The following FARP1 variants were observed in gnomAD, a reference collection of about 807,000 sequenced individuals.
The protein encoded by FARP1 is FERM, ARH/RhoGEF and pleckstrin domain protein 1.
A neutral mutation model predicts 128.8 loss-of-function variants in FARP1; 52 were observed. The observed-to-expected ratio is 0.40, with a 90% confidence interval of 0.32 to 0.51. The LOEUF (loss-of-function observed/expected upper bound fraction) is 0.51. Ranked by LOEUF, FARP1 falls within the 20% of genes least tolerant of loss-of-function variation. FARP1 has a pLI of 0.45. For missense variants in FARP1, 1,333 were observed against 1,367.9 expected (o/e 0.97, Z 0.40); for synonymous variants, 580 against 551.8 (o/e 1.05, Z -0.72).
intron 1 of FARP1, among the ~76,000 whole-genome samples, chr13:98,191,599 G>A (rs1428170428): frequency 6.6e-6 from 1 of 152,172 alleles, no homozygotes. Context: ...TTTATTTTCA[G>A]TATTTCTTTT....
chr13:98,270,581 G>C (rs1052246440), intron 2 of FARP1, among the ~76,000 whole-genome samples: 13 of 152,136 alleles, frequency 8.5e-5, no homozygotes, highest in African/African-American at 2.9e-4. Flanking sequence ...CTGGCACCTT[G>C]AGAGTTCCTC....
rs376766968 is a variant in FARP1, at chr13:98,448,323, G to A, written c.*6G>A. The A allele has an allele frequency of 1.2e-5, 20 of 1,605,096 alleles. No individual in the cohort carries two copies. Among genetic ancestry groups the A allele is most frequent in the Middle Eastern group, 1.6e-4 (1 of 6,068 alleles). On this transcript the variant is annotated 3_prime_UTR_variant, in exon 27 of 27. Transcript: ENST00000319562. ...AAGAGTCTCTTGTGTATTGATGGCC[G>A]GACACACTCGTTTCCGCAGTGGCTG...
chr13:98,274,204 G>T (rs1884524522), intron 2 of FARP1, among the ~76,000 whole-genome samples: 1 of 152,032 alleles, frequency 6.6e-6, no homozygotes, highest in South Asian at 2.1e-4. Flanking sequence ...GGAAAAAAGT[G>T]AAAAGATTTG....
chr13:98,388,498 A>G lies in FARP1; in HGVS notation c.855+20A>G. On this transcript the variant is annotated intron_variant, in intron 9 of 26. Transcript: ENST00000319562. ...GCCAATGTAAGTGGTCCTGGCGGGA[A>G]AGGGGACCCGTTGAGCCATGGGATG... 6.3e-7 allele frequency: 1 copy of G among 1,586,494 alleles called. No homozygotes were observed. Among genetic ancestry groups the G allele is most frequent in the Non-Finnish European group, 8.7e-7 (1 of 1,154,892 alleles).
At chr13:98,412,250 A>AT (rs775118289) in intron 16 of FARP1, among the ~76,000 whole-genome samples, 3 of 152,080 alleles carry the variant, frequency 2.0e-5, no homozygotes, top group East Asian at 1.9e-4. Context: ...TTCAAGATGG[A>AT]TTTTTTTCCC....
At chr13:98,170,187 A>T (rs1016152712) in intron 1 of FARP1, among the ~76,000 whole-genome samples, 2 of 151,600 alleles carry the variant, frequency 1.3e-5, no homozygotes, top group African/African-American at 4.8e-5. Context: ...GAATGTCTGC[A>T]TTTTTTTTGT....
At chr13:98,169,876 T>A (rs553414941) in intron 1 of FARP1, among the ~76,000 whole-genome samples, 5 of 149,548 alleles carry the variant, frequency 3.3e-5, no homozygotes, top group Non-Finnish European at 5.9e-5. Context: ...TTTCCTAAGT[T>A]TTCAAAAAAA....
intron 1 of FARP1, among the ~76,000 whole-genome samples, chr13:98,197,927 G>T (rs143303455): frequency 0.015 from 2,208 of 152,130 alleles, 49 homozygotes; most frequent in African/African-American, 0.051. Flanking sequence ...GAGCCACCGC[G>T]CCCGGCCAAA....
At chr13:98,373,543 CACACACA>C (rs1889450395) in intron 5 of FARP1, among the ~76,000 whole-genome samples, 1 of 145,994 alleles carries the variant, frequency 6.8e-6, no homozygotes, top group African/African-American at 2.6e-5. Flanking sequence ...GACACACACA[CACACACA>C]CACACACACA....
chr13:98,362,927 G>C (rs602340), intron 3 of FARP1, among the ~76,000 whole-genome samples: 80,960 of 152,030 alleles, frequency 0.53, 22,440 homozygotes, highest in Non-Finnish European at 0.6. Context: ...TGGTTGTTAC[G>C]TCTTCAGTTG....
intron 16 of FARP1, among the ~76,000 whole-genome samples, chr13:98,415,878 G>T (rs35683663): frequency 0.053 from 8,140 of 152,320 alleles, 299 homozygotes; most frequent in Non-Finnish European, 0.085. Flanking sequence ...TCACACCCCC[G>T]CCATGGGGCT....
chr13:98,427,565 G>C (rs1227742031), intron 17 of FARP1, among the ~76,000 whole-genome samples: 1 of 152,226 alleles, frequency 6.6e-6, no homozygotes, highest in Non-Finnish European at 1.5e-5. Context: ...ACAGTCCCCA[G>C]TGTGGTGCTG....
intron 23 of FARP1, 82 bp downstream of exon 23, chr13:98,440,317 C>A: frequency 1.0e-6 from 1 of 980,154 alleles, no homozygotes; most frequent in Non-Finnish European, 1.6e-6. Context: ...GCCACCCCAT[C>A]GGGTAGGCCT....
Position 98,308,031 on chromosome 13 carries a change from C to T in FARP1, c.172-35731C>T, listed in dbSNP as rs112884429. ...CCCCCTCCGCCCGCCCCCACTCTCT[C>T]TCTTTTTTTTTTTTTTTTTTTTTTT... On this transcript the variant is annotated intron_variant, in intron 2 of 26. Transcript: ENST00000319562. Among the ~76,000 whole-genome samples the T allele has an allele frequency of 7.0e-3, 73 of 10,452 alleles. 1 individual carries two copies. Among genetic ancestry groups the T allele is most frequent in the Non-Finnish European group, 0.013 (25 of 1,884 alleles). 6.9% of individuals were successfully genotyped at this position (10,452 alleles called of 152,430 possible).
intron 1 of FARP1, among the ~76,000 whole-genome samples, chr13:98,166,761 C>T (rs1380774625): frequency 1.4e-5 from 2 of 147,574 alleles, no homozygotes; most frequent in East Asian, 3.9e-4. Context: ...CTCGTTCTGT[C>T]ACTGTGGCTG....
chr13:98,316,723 T>TCCC (rs1886738660), intron 2 of FARP1, among the ~76,000 whole-genome samples: 2 of 152,200 alleles, frequency 1.3e-5, no homozygotes, highest in African/African-American at 2.4e-5. Flanking sequence ...AGTGATTCCG[T>TCCC]CATGGGGAGA....
At chr13:98,249,042 T>G (rs1883204029) in intron 2 of FARP1, among the ~76,000 whole-genome samples, 1 of 152,170 alleles carries the variant, frequency 6.6e-6, no homozygotes, top group South Asian at 2.1e-4. Context: ...GAAACACACA[T>G]TAAACAAATT....
rs536729078 is a variant in FARP1, at chr13:98,378,960, T to A, written c.496+1042T>A. Among the ~76,000 whole-genome samples, 2 of 97,172 alleles carry A rather than the reference T, an allele frequency of 2.1e-5. 1 individual carries two copies. The highest frequency in any genetic ancestry group is 6.2e-4 in the South Asian group (2 of 3,218). The allele number at this position is 97,172 out of a possible 152,430, so 63.7% of individuals were successfully genotyped here. A position where few individuals can be genotyped will look rare whatever the true frequency, so the allele number is the denominator to read the frequency against. Reference sequence around the variant, plus strand: ...TAATCTATATATAATATATATATAATATATACAATATATAATCTATATATA... The same window carrying A: ...TAATCTATATATAATATATATATAAAATATACAATATATAATCTATATATA... On this transcript the variant is annotated intron_variant, in intron 6 of 26. Coordinates refer to ENST00000319562, the MANE Select transcript of FARP1 (RefSeq NM_005766.4).
intron 3 of FARP1, among the ~76,000 whole-genome samples, chr13:98,344,433 G>A (rs1451306224): frequency 6.6e-6 from 1 of 152,126 alleles, no homozygotes; most frequent in Non-Finnish European, 1.5e-5. Flanking sequence ...GGACAGTAGT[G>A]CCCATCCCTG....
Sources: allele counts gnomAD v4.1 joint callset (sites outside exome capture counted in the v4.1 genomes callset), GRCh38; gene constraint gnomAD v4.1.1; transcripts MANE v1.5; gene names NCBI Gene and HGNC (gene_info 2026-07-23, HGNC 2026-07-21).